The following SORCS1 variants were observed in gnomAD, a reference collection of about 807,000 sequenced individuals.
The protein encoded by SORCS1 is sortilin related VPS10 domain containing receptor 1, also known as VPS10 domain-containing receptor SorCS1.
A neutral mutation model predicts 146.1 loss-of-function variants in SORCS1; 60 were observed. The ratio of observed to expected loss-of-function variants is 0.41; its 90% confidence interval spans 0.33 to 0.51. SORCS1 has a LOEUF of 0.51. Ranked by LOEUF, SORCS1 falls within the 20% of genes least tolerant of loss-of-function variation. The pLI, the probability that SORCS1 is intolerant of heterozygous loss-of-function variation, is 0.21. For synonymous variants in SORCS1, 637 were observed against 584.0 expected (o/e 1.09, Z -1.31); for missense variants, 1,352 against 1,487.6 (o/e 0.91, Z 1.50).
At chr10:107,178,838 C>A in the SORCS1 span, among the ~76,000 whole-genome samples, 1 of 149,758 alleles carries the variant, frequency 6.7e-6, no homozygotes. Flanking sequence ...ATATATATAC[C>A]ACATTAAAAA....
intron 5 of SORCS1, among the ~76,000 whole-genome samples, chr10:106,747,651 C>A (rs1029018643): frequency 5.3e-5 from 8 of 152,122 alleles, no homozygotes; most frequent in Admixed American, 5.2e-4. Flanking sequence ...ACTATGACAA[C>A]CCTATTTAAC....
chr10:106,648,745 C>T lies in SORCS1; in HGVS notation c.2475+3637G>A, dbSNP rs1361470090. Among the ~76,000 whole-genome samples, 3 of 152,116 alleles carry T rather than the reference C, an allele frequency of 2.0e-5. No homozygotes were observed. The East Asian group carries it at 5.8e-4, about 29-fold the overall frequency. On this transcript the variant is annotated intron_variant, in intron 18 of 25. Transcript: ENST00000263054. ...AGAAGTGGGGGAAGGGCGTTGGTCCCTGGCTAGGGCTCCACCCCTGGGCCC... is the reference window on the plus strand; with the variant it reads ...AGAAGTGGGGGAAGGGCGTTGGTCCTTGGCTAGGGCTCCACCCCTGGGCCC...
intron 4 of SORCS1, among the ~76,000 whole-genome samples, chr10:106,773,548 G>A (rs1860189056): frequency 6.6e-6 from 1 of 152,204 alleles, no homozygotes; most frequent in Non-Finnish European, 1.5e-5. Flanking sequence ...TATCCATGAT[G>A]TGTTTTTTCC....
chr10:106,830,317 A>T (rs957862949), intron 2 of SORCS1, among the ~76,000 whole-genome samples: 10 of 152,080 alleles, frequency 6.6e-5, no homozygotes, highest in Admixed American at 2.0e-4. Flanking sequence ...TAAATTATTC[A>T]CTCGGATTAA....
chr10:106,854,115 T>C (rs993724044), intron 2 of SORCS1, among the ~76,000 whole-genome samples: 1 of 152,080 alleles, frequency 6.6e-6, no homozygotes, highest in Admixed American at 6.6e-5. Flanking sequence ...TTTTGCCTCA[T>C]GTATTTGGAC....
chr10:106,928,740 C>T (rs904758045), intron 2 of SORCS1, among the ~76,000 whole-genome samples: 25 of 152,078 alleles, frequency 1.6e-4, no homozygotes, highest in African/African-American at 6.0e-4. Flanking sequence ...CCTATTCTCC[C>T]GGGAAGGGAG....
In SORCS1 at chr10:106,646,523, C is replaced by G. The variant is rs1028120988; in HGVS notation, c.2475+5859G>C. 8.0e-5 allele frequency among the ~76,000 whole-genome samples: 12 copies of G among 150,668 alleles called. 1 individual carries two copies. The East Asian group carries it at 1.2e-3, about 15-fold the overall frequency. ...CGAGCCTGACCAACATGGTGAGACCCCGTCTCTACTAAAAATACAAAAATT... is the reference window on the plus strand; with the variant it reads ...CGAGCCTGACCAACATGGTGAGACCGCGTCTCTACTAAAAATACAAAAATT... On this transcript the variant is annotated intron_variant, in intron 18 of 25. Coordinates refer to ENST00000263054, the MANE Select transcript of SORCS1 (RefSeq NM_052918.5).
At chr10:107,043,287 G>A (rs1416017683) in intron 1 of SORCS1, among the ~76,000 whole-genome samples, 1 of 152,138 alleles carries the variant, frequency 6.6e-6, no homozygotes, top group Non-Finnish European at 1.5e-5. Flanking sequence ...CAGGGAGGAG[G>A]ACATAGCAAT....
chr10:106,607,128 G>T, intron 23 of SORCS1, 38 bp downstream of exon 23: 1 of 1,609,262 alleles, frequency 6.2e-7, no homozygotes. Flanking sequence ...TCCACAAACG[G>T]TTGAAGCTGA....
At chr10:107,174,189 A>G in the SORCS1 span, among the ~76,000 whole-genome samples, 1 of 152,056 alleles carries the variant, frequency 6.6e-6, no homozygotes, top group Non-Finnish European at 1.5e-5. Context: ...CAATATGGAA[A>G]TCCTGCACAT....
At chr10:107,048,264 G>A (rs1959712267) in intron 1 of SORCS1, among the ~76,000 whole-genome samples, 2 of 152,196 alleles carry the variant, frequency 1.3e-5, no homozygotes, top group South Asian at 4.1e-4. Context: ...ATTACAGAGA[G>A]TGAGCTTTAG....
chr10:107,148,971 C>T (rs756714088), intron 1 of SORCS1, among the ~76,000 whole-genome samples: 31 of 152,248 alleles, frequency 2.0e-4, no homozygotes, highest in African/African-American at 6.5e-4. Context: ...AAATGCTAGG[C>T]AAAAATTTCT....
At chr10:107,152,992 C>T (rs1483824990) in intron 1 of SORCS1, among the ~76,000 whole-genome samples, 1 of 152,078 alleles carries the variant, frequency 6.6e-6, no homozygotes, top group Non-Finnish European at 1.5e-5. Context: ...TCTCAATCTG[C>T]CTCTGCTCTC....
At chr10:107,020,944 G>C (rs934437672) in intron 1 of SORCS1, among the ~76,000 whole-genome samples, 6 of 151,912 alleles carry the variant, frequency 3.9e-5, no homozygotes, top group African/African-American at 1.5e-4. Flanking sequence ...ATTCATTTGG[G>C]TAATTAAACT....
chr10:106,892,609 C>T lies in SORCS1; in HGVS notation c.627-62936G>A, dbSNP rs114088343. On this transcript the variant is annotated intron_variant, in intron 2 of 25. Transcript: ENST00000263054. ...TTCATTCATTTATACATTCATTCTA[C>T]TTATTTCACAATTTTTCATGAAGTC... 9.2e-3 allele frequency among the ~76,000 whole-genome samples: 1,396 copies of T among 152,274 alleles called. 20 individuals carry two copies. The highest frequency in any genetic ancestry group is 0.032 in the African/African-American group (1,325 of 41,540).
At chr10:107,053,313 T>C (rs1960298889) in intron 1 of SORCS1, among the ~76,000 whole-genome samples, 1 of 152,196 alleles carries the variant, frequency 6.6e-6, no homozygotes, top group African/African-American at 2.4e-5. Flanking sequence ...TGATTTATTA[T>C]ATTGAAATAA....
At chr10:106,622,380 G>A (rs555885082) in intron 19 of SORCS1, among the ~76,000 whole-genome samples, 1 of 149,168 alleles carries the variant, frequency 6.7e-6, no homozygotes, top group East Asian at 2.0e-4. Context: ...TTGTGAGACA[G>A]AAGACAGAGG....
At chr10:107,015,872 G>A (rs191250165) in intron 1 of SORCS1, among the ~76,000 whole-genome samples, 1 of 152,254 alleles carries the variant, frequency 6.6e-6, no homozygotes, top group East Asian at 1.9e-4. Context: ...ACTACATATT[G>A]GGTATAATGT....
chr10:106,898,939 G>A (rs1351214769), intron 2 of SORCS1, among the ~76,000 whole-genome samples: 1 of 152,172 alleles, frequency 6.6e-6, no homozygotes, highest in Non-Finnish European at 1.5e-5. Flanking sequence ...GGTCAGAATA[G>A]TGCTGGGTTT....
Sources: gnomAD v4.1 joint callset for allele counts (sites outside exome capture counted in the v4.1 genomes callset) on GRCh38, gnomAD v4.1.1 for gene constraint, MANE v1.5 for transcripts, NCBI Gene and HGNC (gene_info 2026-07-23, HGNC 2026-07-21) for gene names.